The following ZBTB16 variants were observed in gnomAD, a reference collection of about 807,000 sequenced individuals.
ZBTB16 encodes the protein zinc finger and BTB domain containing 16.
In ZBTB16, 8 loss-of-function variants were observed where a neutral mutation model predicts 56.8. The observed-to-expected ratio is 0.14, with a 90% CI of 0.08 to 0.25. ZBTB16 has a LOEUF of 0.25. Ranked by LOEUF, ZBTB16 falls within the 10% of genes least tolerant of loss-of-function variation. The pLI is 1.00. For synonymous variants in ZBTB16, 363 were observed against 368.5 expected, an observed-to-expected ratio of 0.98 and a Z score of 0.17; for missense variants, 625 against 903.0, an observed-to-expected ratio of 0.69 and a Z score of 3.95.
chr11:114,225,426 A>G (rs1388743897), intron 4 of ZBTB16, among the ~76,000 whole-genome samples: 3 of 152,178 alleles, frequency 2.0e-5, no homozygotes, highest in Non-Finnish European at 4.4e-5. Context: ...ATGTATACAG[A>G]ACAAAAATGT....
rs1227202696 is a variant in ZBTB16, at chr11:114,060,186, G to C, written c.-91+304G>C. 1 of 172,990 alleles carries C rather than the reference G, an allele frequency of 5.8e-6. No individual in the cohort carries two copies. Among genetic ancestry groups the C allele is most frequent in the Non-Finnish European group, 1.2e-5 (1 of 82,166 alleles). 10.7% of individuals were successfully genotyped at this position (172,990 alleles called of 1,614,324 possible). A position where few individuals can be genotyped will look rare whatever the true frequency, so the allele number is the denominator to read the frequency against. ...AGCGGTGTGCGGGGGCTGAGGGCGT[G>C]AGCAGAGGGGTCGGGGATCCGGAGG... On this transcript the variant is annotated intron_variant, in intron 1 of 6. Transcript: ENST00000335953. The surrounding 1 kb of genome is among the most constrained non-coding windows in gnomAD (Gnocchi z 6.0).
intron 3 of ZBTB16, among the ~76,000 whole-genome samples, chr11:114,165,995 C>T (rs1942742229): frequency 6.6e-6 from 1 of 152,094 alleles, no homozygotes; most frequent in Non-Finnish European, 1.5e-5. Flanking sequence ...GGGATGGACC[C>T]TGAGTTCCAG....
chr11:114,147,829 A>G (rs1192997303), intron 2 of ZBTB16, among the ~76,000 whole-genome samples: 1 of 152,182 alleles, frequency 6.6e-6, no homozygotes, highest in African/African-American at 2.4e-5. Flanking sequence ...GTGAGCATAA[A>G]TAGAACATTT....
At chr11:114,131,193 C>T (rs1172031676) in intron 2 of ZBTB16, among the ~76,000 whole-genome samples, 2 of 152,166 alleles carry the variant, frequency 1.3e-5, no homozygotes, top group Non-Finnish European at 2.9e-5. Context: ...TTGCTTGTCA[C>T]AACCTAAGAG....
chr11:114,131,502 A>G (rs1941659094), intron 2 of ZBTB16, among the ~76,000 whole-genome samples: 1 of 152,196 alleles, frequency 6.6e-6, no homozygotes, highest in South Asian at 2.1e-4. Flanking sequence ...CACAGAACAA[A>G]TAGGGAAGCC....
At chr11:114,105,880 C>A (rs1301448304) in intron 2 of ZBTB16, among the ~76,000 whole-genome samples, 1 of 152,150 alleles carries the variant, frequency 6.6e-6, no homozygotes, top group Admixed American at 6.5e-5. Context: ...ATTGGGGTAG[C>A]CCAGATCACC....
At chr11:114,148,390 TCCTTCCCTCCCTCCC>T (rs1942174462) in intron 2 of ZBTB16, among the ~76,000 whole-genome samples, 2 of 56,844 alleles carry the variant, frequency 3.5e-5, no homozygotes, top group East Asian at 3.4e-4. Flanking sequence ...CCTTCCTTCC[TCCTTCCCTCCCTCCC>T]TCCCTCCCTC....
At chr11:114,208,579 A>G (rs1012626720) in intron 4 of ZBTB16, among the ~76,000 whole-genome samples, 5 of 152,196 alleles carry the variant, frequency 3.3e-5, no homozygotes, top group Non-Finnish European at 7.3e-5. Context: ...GTTTCCTGTC[A>G]TGGGCTCTGG....
At chr11:114,210,056 C>G (rs76923246) in intron 4 of ZBTB16, 1 of 669,960 alleles carries the variant, frequency 1.5e-6, no homozygotes, top group Non-Finnish European at 1.8e-6. Flanking sequence ...GCCACTTGCC[C>G]GGTGAGCCTG....
intron 4 of ZBTB16, chr11:114,188,974 G>A (rs979633837): frequency 6.6e-6 from 1 of 152,220 alleles, no homozygotes; most frequent in African/African-American, 2.4e-5. Context: ...GTGAGCATTT[G>A]CAGAAGCCCT....
At chr11:114,121,274 C>T (rs147150794) in intron 2 of ZBTB16, among the ~76,000 whole-genome samples, 57 of 152,236 alleles carry the variant, frequency 3.7e-4, no homozygotes, top group African/African-American at 1.1e-3. Context: ...TCACTGAAGG[C>T]GGAGTTGAGA....
At chr11:114,129,954 T>C (rs117811910) in intron 2 of ZBTB16, among the ~76,000 whole-genome samples, 1,650 of 152,378 alleles carry the variant, frequency 0.011, 12 homozygotes, top group Non-Finnish European at 0.018. Flanking sequence ...CACATGTATC[T>C]TGATAAAATA....
In ZBTB16 at chr11:114,063,268, A is replaced by G; in HGVS notation, c.-33A>G. Reference sequence around the variant, plus strand: ...CCCGCCACGCAGAGCCCAGAAGGAAAGAAAGCCTCATGCCTGAGCCGAGGG... The same window carrying G: ...CCCGCCACGCAGAGCCCAGAAGGAAGGAAAGCCTCATGCCTGAGCCGAGGG... On this transcript the variant is annotated 5_prime_UTR_variant, in exon 2 of 7. Coordinates refer to ENST00000335953, the MANE Select transcript of ZBTB16 (RefSeq NM_006006.6). The surrounding 1 kb of genome is among the most constrained non-coding windows in gnomAD (Gnocchi z 6.5). The G allele has an allele frequency of 6.2e-7, 1 of 1,611,570 alleles. No homozygotes were observed. The highest frequency in any genetic ancestry group is 8.5e-7 in the Non-Finnish European group (1 of 1,179,516).
At position 114,060,495 on chromosome 11, in the gene ZBTB16, C is replaced by A. The variant is rs527865486; in HGVS notation, c.-91+613C>A. 1 of 151,982 alleles carries A rather than the reference C, an allele frequency of 6.6e-6. No homozygotes were observed. Among genetic ancestry groups the A allele is most frequent in the Non-Finnish European group, 1.5e-5 (1 of 68,006 alleles). 9.4% of individuals were successfully genotyped at this position (151,982 alleles called of 1,614,324 possible). On this transcript the variant is annotated intron_variant, in intron 1 of 6. Coordinates refer to ENST00000335953, the MANE Select transcript of ZBTB16 (RefSeq NM_006006.6). The surrounding 1 kb of genome is among the most constrained non-coding windows in gnomAD (Gnocchi z 6.0). Reference sequence around the variant, plus strand: ...TTTTGCAGGGGAGGGAGGGAAGCTCCAGAGGGTCTGCAGCGCTGCGGGCCC... The same window carrying A: ...TTTTGCAGGGGAGGGAGGGAAGCTCAAGAGGGTCTGCAGCGCTGCGGGCCC...
At position 114,064,338 on chromosome 11, in the gene ZBTB16, G is replaced by A; in HGVS notation, c.1038G>A (p.Leu346=). The stretch of plus-strand genomic sequence containing the variant: ...CCAACCACAAGGCTGACGCTGTATT[G>A]AGCATGCCGTCTTCCGTGACCTCTG... ...VLPNHKADAV[L]SMPSSVTSGL... is the part of the protein sequence containing the mutation. The change falls in exon 2 of 7, where the codon TTG becomes TTA. Residue 346 remains leucine, a synonymous_variant. Transcript: ENST00000335953. The surrounding 1 kb of genome is among the most constrained non-coding windows in gnomAD (Gnocchi z 4.2). 1 of 1,614,052 alleles carries A rather than the reference G, an allele frequency of 6.2e-7. No homozygotes were observed. Among genetic ancestry groups the A allele is most frequent in the African/African-American group, 1.3e-5 (1 of 75,046 alleles).
chr11:114,189,115 AG>A (rs1321007183), intron 4 of ZBTB16: 1 of 152,246 alleles, frequency 6.6e-6, no homozygotes, highest in East Asian at 1.9e-4. Context: ...CCCTGGTAAA[AG>A]ATTTGGGTTT....
At chr11:114,148,711 T>C (rs1226235691) in intron 2 of ZBTB16, among the ~76,000 whole-genome samples, 1 of 151,664 alleles carries the variant, frequency 6.6e-6, no homozygotes, top group East Asian at 2.0e-4. Flanking sequence ...GCCAGGATGG[T>C]CTCGATCTCC....
intron 2 of ZBTB16, among the ~76,000 whole-genome samples, chr11:114,091,205 G>A (rs1431918725): frequency 6.6e-6 from 1 of 152,108 alleles, no homozygotes; most frequent in Non-Finnish European, 1.5e-5. Context: ...AAAATTAACG[G>A]GACGTTGTGG....
In ZBTB16 at chr11:114,169,086, G is replaced by A. The variant is rs529663723; in HGVS notation, c.1366+12652G>A. 3.9e-5 allele frequency among the ~76,000 whole-genome samples: 6 copies of A among 152,200 alleles called. No homozygotes were observed. The East Asian group carries it at 1.2e-3, about 30-fold the overall frequency. On this transcript the variant is annotated intron_variant, in intron 3 of 6. Coordinates refer to ENST00000335953, the MANE Select transcript of ZBTB16 (RefSeq NM_006006.6). Reference sequence around the variant, plus strand: ...CTCCTCCTTTGCACTATCCTGCCAAGTAGGAGGGGTAGGAGGAGAGAGCTG... The same window carrying A: ...CTCCTCCTTTGCACTATCCTGCCAAATAGGAGGGGTAGGAGGAGAGAGCTG...
Sources: gnomAD v4.1 joint callset for allele counts (sites outside exome capture counted in the v4.1 genomes callset) on GRCh38, gnomAD v4.1.1 for gene constraint, Gnocchi (gnomAD v3.1) non-coding constraint, MANE v1.5 for transcripts, NCBI Gene and HGNC (gene_info 2026-07-23, HGNC 2026-07-21) for gene names.